The following SORCS1 variants were observed in gnomAD, a reference collection of about 807,000 sequenced individuals.
The protein encoded by SORCS1 is sortilin related VPS10 domain containing receptor 1.
Under a neutral mutation model 146.1 loss-of-function variants are expected in SORCS1, and 60 were observed. The observed-to-expected ratio is 0.41, with a 90% CI of 0.33 to 0.51. SORCS1 has a LOEUF of 0.51. SORCS1 is among the 20% of genes least tolerant of loss of function. The pLI, the probability that SORCS1 is intolerant of heterozygous loss-of-function variation, is 0.21. For synonymous variants in SORCS1, 637 were observed against 584.0 expected, an observed-to-expected ratio of 1.09 and a Z score of -1.31; for missense variants, 1,352 against 1,487.6, an observed-to-expected ratio of 0.91 and a Z score of 1.50.
chr10:106,946,696 C>A (rs575444140), intron 2 of SORCS1, among the ~76,000 whole-genome samples: 1 of 152,328 alleles, frequency 6.6e-6, no homozygotes, highest in East Asian at 1.9e-4. Context: ...AGTATGGAAA[C>A]AGACAAACAT....
chr10:106,673,014 T>C, intron 14 of SORCS1, 29 bp from the exon 15 acceptor site: 3 of 1,561,800 alleles, frequency 1.9e-6, no homozygotes, highest in Non-Finnish European at 2.6e-6. Flanking sequence ...TAAAAATAAT[T>C]ACAATGATAA....
chr10:106,702,524 C>G (rs1366786171), intron 8 of SORCS1, among the ~76,000 whole-genome samples: 2 of 152,160 alleles, frequency 1.3e-5, no homozygotes, highest in Admixed American at 6.6e-5. Flanking sequence ...TAGGAAAACA[C>G]AGATGTATCA....
At chr10:106,963,581 C>G (rs554550702) in intron 1 of SORCS1, among the ~76,000 whole-genome samples, 1 of 151,600 alleles carries the variant, frequency 6.6e-6, no homozygotes, top group African/African-American at 2.4e-5. Flanking sequence ...TTTGGGGACC[C>G]AAGAATCCTT....
At chr10:107,024,616 T>G (rs1564939607) in intron 1 of SORCS1, among the ~76,000 whole-genome samples, 1 of 152,188 alleles carries the variant, frequency 6.6e-6, no homozygotes, top group Non-Finnish European at 1.5e-5. Flanking sequence ...ACATGATTTG[T>G]GTGTAGGCTT....
chr10:106,949,348 C>T (rs888221671), intron 2 of SORCS1, among the ~76,000 whole-genome samples: 1 of 152,152 alleles, frequency 6.6e-6, no homozygotes, highest in African/African-American at 2.4e-5. Flanking sequence ...CTGACCCAAG[C>T]CACCCACTGC....
At chr10:106,718,305 T>C (rs190729187) in intron 6 of SORCS1, among the ~76,000 whole-genome samples, 235 of 152,306 alleles carry the variant, frequency 1.5e-3, no homozygotes, top group African/African-American at 5.2e-3. Context: ...GAGAAGCACA[T>C]CACATAACTT....
chr10:107,096,476 C>A (rs540627203), intron 1 of SORCS1, among the ~76,000 whole-genome samples: 2 of 152,208 alleles, frequency 1.3e-5, no homozygotes, highest in East Asian at 3.9e-4. Flanking sequence ...ATCATATGCC[C>A]TTAGTAAAGC....
At chr10:107,136,516 A>G (rs1257123368) in intron 1 of SORCS1, among the ~76,000 whole-genome samples, 3 of 152,202 alleles carry the variant, frequency 2.0e-5, no homozygotes, top group African/African-American at 7.2e-5. Flanking sequence ...AGTGCAGAAA[A>G]AAAACAAGGC....
intron 2 of SORCS1, among the ~76,000 whole-genome samples, chr10:106,877,443 G>T (rs1452192602): frequency 6.6e-6 from 1 of 152,104 alleles, no homozygotes; most frequent in African/African-American, 2.4e-5. Context: ...AGTTGTGCAT[G>T]GTGGTGCAAT....
intron 1 of SORCS1, among the ~76,000 whole-genome samples, chr10:107,153,283 G>C (rs528176531): frequency 6.6e-6 from 1 of 151,962 alleles, no homozygotes; most frequent in Non-Finnish European, 1.5e-5. Context: ...TCGTTTTTAA[G>C]AGTGGAGACT....
At chr10:107,129,157 T>C (rs1237228719) in intron 1 of SORCS1, among the ~76,000 whole-genome samples, 23 of 152,204 alleles carry the variant, frequency 1.5e-4, no homozygotes, top group Admixed American at 1.5e-3. Flanking sequence ...CTGGGTGAAA[T>C]TGTTCTGAAG....
chr10:106,628,960 G>T lies in SORCS1; in HGVS notation c.2662+242C>A, dbSNP rs533771411. Reference sequence around the variant, plus strand: ...AAGTGTCATATCTTCAAGGCACCCGGGGTAAGCAGAGGAAATGCAATGAGA... The same window carrying T: ...AAGTGTCATATCTTCAAGGCACCCGTGGTAAGCAGAGGAAATGCAATGAGA... On this transcript the variant is annotated intron_variant, in intron 19 of 25. Coordinates refer to ENST00000263054, the MANE Select transcript of SORCS1 (RefSeq NM_052918.5). Among the ~76,000 whole-genome samples the T allele has an allele frequency of 1.2e-4, 18 of 152,238 alleles. 2 individuals carry two copies. The South Asian group carries it at 3.7e-3, about 32-fold the overall frequency.
chr10:107,017,088 A>C (rs1443692939), intron 1 of SORCS1, among the ~76,000 whole-genome samples: 4 of 152,238 alleles, frequency 2.6e-5, no homozygotes, highest in Non-Finnish European at 5.9e-5. Flanking sequence ...ACTACTTTGC[A>C]AAAGTGTTTG....
At chr10:106,713,322 T>C (rs1451118973) in intron 6 of SORCS1, among the ~76,000 whole-genome samples, 2 of 152,220 alleles carry the variant, frequency 1.3e-5, no homozygotes, top group Non-Finnish European at 2.9e-5. Flanking sequence ...TTAGGAGGTC[T>C]TGACCTTCAA....
At chr10:106,770,914 G>T (rs752906216) in intron 4 of SORCS1, among the ~76,000 whole-genome samples, 1 of 152,140 alleles carries the variant, frequency 6.6e-6, no homozygotes. Context: ...GGTCTTGAAC[G>T]TCCACAAGGG....
intron 18 of SORCS1, among the ~76,000 whole-genome samples, chr10:106,645,742 TAAA>T (rs929248390): frequency 6.6e-6 from 1 of 152,018 alleles, no homozygotes; most frequent in Non-Finnish European, 1.5e-5. Flanking sequence ...ATAAAAATAA[TAAA>T]AAACATAACA....
chr10:107,029,556 C>A (rs1028056503), intron 1 of SORCS1, among the ~76,000 whole-genome samples: 1 of 152,158 alleles, frequency 6.6e-6, no homozygotes, highest in Non-Finnish European at 1.5e-5. Context: ...GAAAGGAGAG[C>A]CACTTCATTT....
chr10:106,683,224 C>T (rs1209959959), intron 10 of SORCS1, among the ~76,000 whole-genome samples: 2 of 152,176 alleles, frequency 1.3e-5, no homozygotes, highest in Non-Finnish European at 2.9e-5. Context: ...TCCAAGTGTT[C>T]AATAAATGTC....
intron 2 of SORCS1, among the ~76,000 whole-genome samples, chr10:106,906,203 C>T (rs1158312881): frequency 2.6e-5 from 4 of 152,238 alleles, no homozygotes; most frequent in East Asian, 1.9e-4. Flanking sequence ...CAAGCTCAGC[C>T]GCCTGGGTTC....
Sources: gnomAD v4.1 joint callset for allele counts (sites outside exome capture counted in the v4.1 genomes callset) on GRCh38, gnomAD v4.1.1 for gene constraint, MANE v1.5 for transcripts, NCBI Gene and HGNC (gene_info 2026-07-23, HGNC 2026-07-21) for gene names.